The following SNTB1 variants were observed in gnomAD, a reference collection of about 807,000 sequenced individuals.
The protein encoded by SNTB1 is syntrophin beta 1, also known as beta-1-syntrophin.
In SNTB1, 36 loss-of-function variants were observed where a neutral mutation model predicts 48.9. The ratio of observed to expected loss-of-function variants is 0.74; its 90% confidence interval spans 0.56 to 0.97. SNTB1 has a LOEUF of 0.97. Ranked by LOEUF, SNTB1 falls within the 50% of genes least tolerant of loss-of-function variation. SNTB1 has a pLI of 0.00. For missense variants in SNTB1, 786 were observed against 703.4 expected, an observed-to-expected ratio of 1.12 and a Z score of -1.33; for synonymous variants, 299 against 294.6, an observed-to-expected ratio of 1.01 and a Z score of -0.15.
At chr8:120,617,476 C>T (rs1028089024) in intron 3 of SNTB1, among the ~76,000 whole-genome samples, 1 of 152,090 alleles carries the variant, frequency 6.6e-6, no homozygotes, top group African/African-American at 2.4e-5. Context: ...GAAAGATAAT[C>T]CACAGATTTA....
rs778699582 is a variant in SNTB1, at chr8:120,542,015, G to T, written c.1334-15C>A. ...GTAGGTGCAAGCTGAGAGAGAAAGA[G>T]AGAGAAAAAGAGACAAGTATGAACC... On this transcript the variant is annotated splice_polypyrimidine_tract_variant and intron_variant, in intron 5 of 6. Coordinates refer to ENST00000517992, the MANE Select transcript of SNTB1 (RefSeq NM_021021.4). The T allele has an allele frequency of 1.6e-5, 26 of 1,605,214 alleles. No individual in the cohort carries two copies. The highest frequency in any genetic ancestry group is 2.2e-5 in the Non-Finnish European group (26 of 1,174,982).
chr8:120,633,676 T>C (rs1342662950), intron 2 of SNTB1, among the ~76,000 whole-genome samples: 1 of 151,942 alleles, frequency 6.6e-6, no homozygotes, highest in Non-Finnish European at 1.5e-5. Flanking sequence ...AGAACTGTAA[T>C]TGGATTACTG....
Position 120,666,908 on chromosome 8 carries a change from T to A in SNTB1, c.788+26784A>T, listed in dbSNP as rs560023345. Among the ~76,000 whole-genome samples the A allele has an allele frequency of 1.3e-4, 20 of 152,268 alleles. No individual in the cohort carries two copies. In the East Asian group the frequency reaches 1.3e-3, roughly 10 times the overall value. On this transcript the variant is annotated intron_variant, in intron 2 of 6. Transcript: ENST00000517992. Reference sequence around the variant, plus strand: ...CAGAAGTTTGATATTAATTTTTTTTTAAATTTCATGTTTTTACTTAACTTT... The same window carrying A: ...CAGAAGTTTGATATTAATTTTTTTTAAAATTTCATGTTTTTACTTAACTTT...
At chr8:120,625,361 G>T (rs1260655524) in intron 3 of SNTB1, among the ~76,000 whole-genome samples, 1 of 152,212 alleles carries the variant, frequency 6.6e-6, no homozygotes, top group Non-Finnish European at 1.5e-5. Context: ...GAAATAAAAT[G>T]TACACACCCC....
chr8:120,592,944 G>T (rs561871689), intron 3 of SNTB1, among the ~76,000 whole-genome samples: 1 of 152,238 alleles, frequency 6.6e-6, no homozygotes, highest in East Asian at 1.9e-4. Context: ...AGATTCCTTT[G>T]CATATGATCC....
In SNTB1 at chr8:120,632,644, C is replaced by T. The variant is rs777170773; in HGVS notation, c.796G>A (p.Glu266Lys). ...ALADPENRQL[E>K]IHSPDAKHTV... ...TGCTTAGCATCTGGAGAGTGGATTTCAAGCTGCCTAGAGGAGCACAGAGAG... is the reference window on the plus strand; with the variant it reads ...TGCTTAGCATCTGGAGAGTGGATTTTAAGCTGCCTAGAGGAGCACAGAGAG... The change falls in exon 3 of 7, where the codon GAA becomes AAA. Residue 266 changes from glutamate (E) to lysine (K), a missense_variant. Physicochemically the swap from Glu to Lys is moderately conservative, Grantham distance 56. Coordinates refer to ENST00000517992, the MANE Select transcript of SNTB1 (RefSeq NM_021021.4). 11 of 1,613,924 alleles carry T rather than the reference C, an allele frequency of 6.8e-6. No homozygotes were observed. In the Admixed American group the frequency reaches 1.3e-4, roughly 20 times the overall value.
At position 120,601,827 on chromosome 8, in the gene SNTB1, A is replaced by T. The variant is rs571741562; in HGVS notation, c.997-26602T>A. Reference sequence around the variant, plus strand: ...GTCTACAAGACGCGCATGCCAACCTACACGTGTTTTCCACTTGGTTCAGTC... The same window carrying T: ...GTCTACAAGACGCGCATGCCAACCTTCACGTGTTTTCCACTTGGTTCAGTC... On this transcript the variant is annotated intron_variant, in intron 3 of 6. Transcript: ENST00000517992. Among the ~76,000 whole-genome samples the T allele has an allele frequency of 2.4e-4, 36 of 152,316 alleles. 1 individual carries two copies. Among genetic ancestry groups the T allele is most frequent in the African/African-American group, 8.7e-4 (36 of 41,576 alleles).
intron 4 of SNTB1, among the ~76,000 whole-genome samples, chr8:120,568,087 A>G (rs1310142343): frequency 6.6e-6 from 1 of 152,184 alleles, no homozygotes; most frequent in Non-Finnish European, 1.5e-5. Context: ...AAAGCAGTCA[A>G]TGGAAGTGCT....
chr8:120,748,780 T>A (rs1819165806), intron 1 of SNTB1, among the ~76,000 whole-genome samples: 1 of 152,162 alleles, frequency 6.6e-6, no homozygotes, highest in Non-Finnish European at 1.5e-5. Flanking sequence ...CTAGTTTCAT[T>A]AAACATGGCA....
chr8:120,774,536 A>G (rs916334159), intron 1 of SNTB1, among the ~76,000 whole-genome samples: 1 of 152,216 alleles, frequency 6.6e-6, no homozygotes, highest in African/African-American at 2.4e-5. Context: ...CAGAATTGAC[A>G]GAATGTGGTG....
chr8:120,550,184 C>A (rs944871256), intron 4 of SNTB1, among the ~76,000 whole-genome samples: 1 of 152,058 alleles, frequency 6.6e-6, no homozygotes, highest in Non-Finnish European at 1.5e-5. Flanking sequence ...GCAAGAGGGG[C>A]GGTTTGCAAT....
At chr8:120,750,591 T>A (rs1452972279) in intron 1 of SNTB1, among the ~76,000 whole-genome samples, 1 of 152,146 alleles carries the variant, frequency 6.6e-6, no homozygotes, top group Non-Finnish European at 1.5e-5. Flanking sequence ...TAAAGGGACC[T>A]CTGACTCTTG....
intron 1 of SNTB1, among the ~76,000 whole-genome samples, chr8:120,770,491 A>G (rs1819604662): frequency 6.6e-6 from 1 of 151,774 alleles, no homozygotes. Context: ...GAATATAAAT[A>G]TGGTTTGAGA....
chr8:120,590,014 A>G (rs1053440050), intron 3 of SNTB1, among the ~76,000 whole-genome samples: 2 of 152,074 alleles, frequency 1.3e-5, no homozygotes, highest in African/African-American at 4.8e-5. Context: ...CCCTCCTCTA[A>G]CAATTCCAAC....
chr8:120,785,839 A>T (rs1260133390), intron 1 of SNTB1, among the ~76,000 whole-genome samples: 5 of 152,172 alleles, frequency 3.3e-5, no homozygotes. Context: ...CCATTACAAC[A>T]TCTGCAGGCA....
intron 4 of SNTB1, among the ~76,000 whole-genome samples, chr8:120,566,475 G>C (rs1445540623): frequency 6.6e-6 from 1 of 151,870 alleles, no homozygotes; most frequent in Non-Finnish European, 1.5e-5. Flanking sequence ...AAATCTGCTG[G>C]CACCTTGATC....
intron 3 of SNTB1, among the ~76,000 whole-genome samples, chr8:120,624,897 C>A (rs1816851418): frequency 6.6e-6 from 1 of 152,166 alleles, no homozygotes; most frequent in Non-Finnish European, 1.5e-5. Flanking sequence ...GGTACCTGGT[C>A]CCAGTTAAGT....
At chr8:120,776,068 C>T (rs1416782662) in intron 1 of SNTB1, among the ~76,000 whole-genome samples, 2 of 152,170 alleles carry the variant, frequency 1.3e-5, no homozygotes, top group Admixed American at 6.5e-5. Flanking sequence ...TTCCATTTGA[C>T]CCAGCCATCC....
chr8:120,736,461 A>G lies in SNTB1; in HGVS notation c.572-42553T>C, dbSNP rs1021550882. On this transcript the variant is annotated intron_variant, in intron 1 of 6. Transcript: ENST00000517992. ...TATGGCAAGGAGGCCAAAAAGAATA[A>G]CAAGGAGCCAATGACCATGAACCTG... Among the ~76,000 whole-genome samples the G allele has an allele frequency of 3.9e-5, 6 of 152,366 alleles. No individual in the cohort carries two copies. In the East Asian group the frequency reaches 1.2e-3, roughly 29 times the overall value.
Sources: allele counts gnomAD v4.1 joint callset (sites outside exome capture counted in the v4.1 genomes callset), GRCh38; gene constraint gnomAD v4.1.1; transcripts MANE v1.5; gene names NCBI Gene and HGNC (gene_info 2026-07-23, HGNC 2026-07-21).